SMC3: variants seen among roughly 807,000 people sequenced by gnomAD.
The protein encoded by SMC3 is structural maintenance of chromosomes 3, also known as structural maintenance of chromosomes protein 3.
In SMC3, 20 loss-of-function variants were observed where a neutral mutation model predicts 171.8. The ratio of observed to expected loss-of-function variants is 0.12; its 90% CI spans 0.08 to 0.17. The LOEUF is 0.17. Ranked by LOEUF, SMC3 falls within the 10% of genes least tolerant of loss-of-function variation. The pLI is 1.00. For synonymous variants in SMC3, 464 were observed against 451.1 expected (o/e 1.03, Z -0.36); for missense variants, 543 against 1,420.4 (o/e 0.38, Z 9.93).
At position 110,605,032 on chromosome 10, in the gene SMC3, T is replaced by C. The variant is rs552419564; in HGVS notation, c.*730T>C. 2.0e-4 allele frequency among the ~76,000 whole-genome samples: 30 copies of C among 152,344 alleles called. No homozygotes were observed. The highest frequency in any genetic ancestry group is 7.0e-4 in the African/African-American group (29 of 41,572). On this transcript the variant is annotated 3_prime_UTR_variant, in exon 29 of 29. Transcript: ENST00000361804. ...GACAATTTTGAATAATATTCACATA[T>C]TTTGTAGAATGTCCCTCAAATTAGG...
chr10:110,572,654 A>G (rs1381730968), intron 2 of SMC3, among the ~76,000 whole-genome samples: 1 of 152,136 alleles, frequency 6.6e-6, no homozygotes, highest in Non-Finnish European at 1.5e-5. Context: ...CTAATAAGTA[A>G]TATAGGCAGA....
intron 4 of SMC3, among the ~76,000 whole-genome samples, chr10:110,576,434 A>C (rs1298239746): frequency 6.6e-6 from 1 of 152,232 alleles, no homozygotes; most frequent in African/African-American, 2.4e-5. Context: ...AAACCTTGTT[A>C]GGACATTGGC....
At chr10:110,599,205 C>T (rs190228649) in intron 20 of SMC3, among the ~76,000 whole-genome samples, 1 of 152,256 alleles carries the variant, frequency 6.6e-6, no homozygotes, top group African/African-American at 2.4e-5. Flanking sequence ...TCAAGCAATT[C>T]TCCTGCCTCG....
chr10:110,568,096 G>C (rs911551540), intron 1 of SMC3, among the ~76,000 whole-genome samples: 2 of 152,228 alleles, frequency 1.3e-5, no homozygotes, highest in African/African-American at 4.8e-5. Flanking sequence ...GGTGTGGAAG[G>C]GCCGGCGGGC....
At position 110,605,373 on chromosome 10, in the gene SMC3, G is replaced by A. The variant is rs563359301; in HGVS notation, c.*1071G>A. On this transcript the variant is annotated 3_prime_UTR_variant, in exon 29 of 29. Transcript: ENST00000361804. ...TTCTACATAGACAGTCATGTCATTT[G>A]CAAGAAAGAGGCAGTTTTATTTCTT... Among the ~76,000 whole-genome samples the A allele has an allele frequency of 6.6e-6, 1 of 152,132 alleles. No homozygotes were observed. The highest frequency in any genetic ancestry group is 6.5e-5 in the Admixed American group (1 of 15,276).
At chr10:110,578,425 A>G (rs868829863) in intron 6 of SMC3, among the ~76,000 whole-genome samples, 1 of 152,230 alleles carries the variant, frequency 6.6e-6, no homozygotes, top group Admixed American at 6.5e-5. Context: ...TACCTGCTTC[A>G]TATATGAGGA....
chr10:110,585,308 T>A (rs76423531), intron 13 of SMC3, among the ~76,000 whole-genome samples: 3 of 142,342 alleles, frequency 2.1e-5, no homozygotes, highest in Non-Finnish European at 4.5e-5. Flanking sequence ...TTTTTTTTTT[T>A]AATACGAGTC....
At chr10:110,580,721 G>A (rs1315771054) in intron 7 of SMC3, among the ~76,000 whole-genome samples, 183 bp from the exon 8 acceptor site, 1 of 152,120 alleles carries the variant, frequency 6.6e-6, no homozygotes, top group Non-Finnish European at 1.5e-5. Flanking sequence ...TGCTCATCTG[G>A]TAAGTATAAA....
chr10:110,596,555 CTT>C lies in SMC3; in HGVS notation c.2116+9_2116+10del, dbSNP rs779435525. The C allele has an allele frequency of 6.2e-7, 1 of 1,613,470 alleles. No individual in the cohort carries two copies. The highest frequency in any genetic ancestry group is 8.5e-7 in the Non-Finnish European group (1 of 1,179,638). The stretch of plus-strand genomic sequence containing the variant: ...ACCTGCGCAGAAATATTGAAAATAT[CTT>C]TTTGTTTTGTGCATAGTGATAGATA... On this transcript the variant is annotated splice_donor_region_variant and intron_variant, in intron 19 of 28. Transcript: ENST00000361804.
chr10:110,574,819 T>TA (rs1256949443), intron 3 of SMC3, among the ~76,000 whole-genome samples: 2 of 152,208 alleles, frequency 1.3e-5, no homozygotes, highest in African/African-American at 2.4e-5. Context: ...GGCCCCTTCT[T>TA]ACAGAGCTCG....
chr10:110,597,382 A>G (rs1341253873), intron 19 of SMC3, among the ~76,000 whole-genome samples: 8 of 152,188 alleles, frequency 5.3e-5, no homozygotes, highest in Admixed American at 5.2e-4. Flanking sequence ...CTTTGGTATA[A>G]GAAGTACTTT....
intron 17 of SMC3, among the ~76,000 whole-genome samples, chr10:110,591,768 C>T (rs974105326): frequency 2.0e-5 from 3 of 152,126 alleles, no homozygotes; most frequent in Non-Finnish European, 4.4e-5. Flanking sequence ...AAAGCTGAAA[C>T]CCCATGAGAA....
In SMC3 at chr10:110,596,465, A is replaced by G; in HGVS notation, c.2031A>G (p.Glu677=). 6.2e-7 allele frequency: 1 copy of G among 1,614,108 alleles called. No homozygotes were observed. The highest frequency in any genetic ancestry group is 8.5e-7 in the Non-Finnish European group (1 of 1,180,006). ...ATGACACAAGGAAGTCTCGACTTGAATTGCAAAAAGATGTTAGAAAAGCAG... is the reference window on the plus strand; with the variant it reads ...ATGACACAAGGAAGTCTCGACTTGAGTTGCAAAAAGATGTTAGAAAAGCAG... ...GYYDTRKSRL[E]LQKDVRKAEE... The change falls in exon 19 of 29, where the codon GAA becomes GAG. Residue 677 remains glutamate, a synonymous_variant. Coordinates refer to ENST00000361804, the MANE Select transcript of SMC3 (RefSeq NM_005445.4).
At chr10:110,568,123 C>G in intron 1 of SMC3, among the ~76,000 whole-genome samples, 1 of 152,068 alleles carries the variant, frequency 6.6e-6, no homozygotes, top group Non-Finnish European at 1.5e-5. Flanking sequence ...CTGGGAGGGA[C>G]TGGGCCTTCC....
intron 8 of SMC3, among the ~76,000 whole-genome samples, chr10:110,581,298 A>C (rs535245159): frequency 6.7e-6 from 1 of 149,250 alleles, no homozygotes; most frequent in East Asian, 2.0e-4. Context: ...GCTTATTGCA[A>C]CCTCTGCCTC....
At chr10:110,595,658 T>C (rs1040102081) in intron 18 of SMC3, among the ~76,000 whole-genome samples, 13 of 152,360 alleles carry the variant, frequency 8.5e-5, no homozygotes, top group African/African-American at 2.6e-4. Flanking sequence ...ATTCTGTTAT[T>C]GCTGCTGCAT....
At chr10:110,585,291 T>G (rs1861093101) in intron 13 of SMC3, among the ~76,000 whole-genome samples, 1 of 91,962 alleles carries the variant, frequency 1.1e-5, no homozygotes, top group Admixed American at 1.2e-4. Flanking sequence ...ATAGTAACAA[T>G]TTTTTTTTTT....
At chr10:110,595,474 TC>T (rs1466541133) in intron 18 of SMC3, among the ~76,000 whole-genome samples, 2 of 152,366 alleles carry the variant, frequency 1.3e-5, no homozygotes, top group South Asian at 4.1e-4. Context: ...CTAGGTTTGA[TC>T]ACCTGCAGAT....
chr10:110,594,622 G>T (rs980976356), intron 18 of SMC3, among the ~76,000 whole-genome samples: 1 of 151,988 alleles, frequency 6.6e-6, no homozygotes, highest in African/African-American at 2.4e-5. Flanking sequence ...TGAAATCCAG[G>T]TTAAGAACCT....
Sources: allele counts gnomAD v4.1 joint callset (sites outside exome capture counted in the v4.1 genomes callset), GRCh38; gene constraint gnomAD v4.1.1; transcripts MANE v1.5; gene names NCBI Gene and HGNC (gene_info 2026-07-23, HGNC 2026-07-21).